Variants in ANKFN1 observed in about 807,000 individuals in gnomAD.
ANKFN1 encodes the protein ankyrin repeat and fibronectin type III domain containing 1.
ANKFN1 carries 74 observed loss-of-function variants against 108.7 expected under a neutral mutation model. That is an observed-to-expected ratio of 0.68 (90% CI 0.56 to 0.83). The LOEUF (loss-of-function observed/expected upper bound fraction) is 0.83, where lower values mean the gene tolerates loss of function less well. Ranked by LOEUF, ANKFN1 falls within the 40% of genes least tolerant of loss-of-function variation. The pLI is 0.00. For synonymous variants in ANKFN1, 547 were observed against 516.2 expected, an observed-to-expected ratio of 1.06 and a Z score of -0.81; for missense variants, 1,505 against 1,382.3, an observed-to-expected ratio of 1.09 and a Z score of -1.41.
intron 14 of ANKFN1, among the ~76,000 whole-genome samples, chr17:56,462,710 T>C (rs2049948008): frequency 6.6e-6 from 1 of 152,226 alleles, no homozygotes; most frequent in African/African-American, 2.4e-5. Context: ...TGCATCTCAT[T>C]TAACTCTCCT....
chr17:56,374,177 C>G (rs1415993588), intron 7 of ANKFN1, among the ~76,000 whole-genome samples: 2 of 152,126 alleles, frequency 1.3e-5, no homozygotes, highest in African/African-American at 4.8e-5. Flanking sequence ...TTCCTCATAC[C>G]AAAAGTGAGT....
At chr17:56,434,393 A>AG (rs550002460) in intron 8 of ANKFN1, among the ~76,000 whole-genome samples, 351 of 150,974 alleles carry the variant, frequency 2.3e-3, no homozygotes, top group African/African-American at 8.1e-3. Flanking sequence ...AAAAAAAAAA[A>AG]AAGAAGAAGA....
intron 8 of ANKFN1, among the ~76,000 whole-genome samples, chr17:56,432,006 A>T (rs958286959): frequency 6.6e-6 from 1 of 152,220 alleles, no homozygotes; most frequent in Non-Finnish European, 1.5e-5. Flanking sequence ...TCAGAATCCC[A>T]GGAAACATCT....
chr17:56,055,600 C>CACAT (rs1567778636), intron 4 of ANKFN1, among the ~76,000 whole-genome samples: 4 of 33,610 alleles, frequency 1.2e-4, no homozygotes, highest in African/African-American at 5.2e-4. Context: ...TATATATACA[C>CACAT]ATTTTTTTAT....
chr17:56,482,719 T>C, intron 18 of ANKFN1, 195 bp downstream of exon 18: 1 of 524,842 alleles, frequency 1.9e-6, no homozygotes, highest in South Asian at 7.6e-5. Context: ...GCAATAATTA[T>C]TGAAACCTAG....
intron 8 of ANKFN1, among the ~76,000 whole-genome samples, chr17:56,396,136 G>C (rs991374185): frequency 1.3e-5 from 2 of 152,170 alleles, no homozygotes; most frequent in African/African-American, 2.4e-5. Context: ...ACACCCTACT[G>C]TTTGAGAGCA....
intron 1 of ANKFN1, among the ~76,000 whole-genome samples, chr17:56,180,335 T>C (rs1316118147): frequency 6.6e-6 from 1 of 152,236 alleles, no homozygotes; most frequent in Non-Finnish European, 1.5e-5. Context: ...TCCTCATCCA[T>C]GTTTATGGCT....
At chr17:56,182,444 A>C (rs2143634896) in intron 1 of ANKFN1, among the ~76,000 whole-genome samples, 1 of 152,312 alleles carries the variant, frequency 6.6e-6, no homozygotes, top group South Asian at 2.1e-4. Context: ...TGGATAGAAA[A>C]TCAAACCAGA....
chr17:56,430,139 C>A (rs1399230107), intron 8 of ANKFN1, among the ~76,000 whole-genome samples: 1 of 152,092 alleles, frequency 6.6e-6, no homozygotes, highest in Non-Finnish European at 1.5e-5. Flanking sequence ...AAACCGTAAG[C>A]TCCTTGAGGT....
intron 6 of ANKFN1, among the ~76,000 whole-genome samples, chr17:56,357,901 CGTT>C (rs1295107932): frequency 1.3e-5 from 2 of 152,132 alleles, no homozygotes; most frequent in East Asian, 3.9e-4. Flanking sequence ...GTGAGGGAGA[CGTT>C]GTTTTCTTCA....
upstream of ANKFN1, among the ~76,000 whole-genome samples, chr17:56,152,503 A>G (rs1908720631): frequency 1.3e-5 from 2 of 152,008 alleles, no homozygotes; most frequent in African/African-American, 4.8e-5. Flanking sequence ...GACATTCATG[A>G]TCAAGGGTAA....
intron 2 of ANKFN1, among the ~76,000 whole-genome samples, chr17:56,227,550 C>T (rs1050787245): frequency 8.5e-5 from 13 of 152,082 alleles, no homozygotes; most frequent in Non-Finnish European, 1.8e-4. Context: ...TCAGTGTGAA[C>T]CAGAAGCAAG....
At chr17:56,241,017 T>A (rs1407674790) in intron 3 of ANKFN1, among the ~76,000 whole-genome samples, 1 of 152,182 alleles carries the variant, frequency 6.6e-6, no homozygotes. Context: ...ATTGACATTC[T>A]AACATAATCT....
At chr17:56,061,974 T>C (rs995132003) in intron 4 of ANKFN1, among the ~76,000 whole-genome samples, 2 of 152,220 alleles carry the variant, frequency 1.3e-5, no homozygotes, top group Non-Finnish European at 2.9e-5. Flanking sequence ...ATTTCTGCCT[T>C]CATTTCATTA....
intron 3 of ANKFN1, among the ~76,000 whole-genome samples, chr17:56,295,171 A>G (rs999139999): frequency 6.6e-6 from 1 of 152,120 alleles, no homozygotes; most frequent in East Asian, 1.9e-4. Context: ...CCTTGGGGAA[A>G]CCCCATGTCA....
intron 3 of ANKFN1, among the ~76,000 whole-genome samples, chr17:56,280,681 T>C (rs2044056612): frequency 6.6e-6 from 1 of 151,970 alleles, no homozygotes; most frequent in African/African-American, 2.4e-5. Flanking sequence ...TGGAGAACCC[T>C]GGCTAATACA....
intron 9 of ANKFN1, among the ~76,000 whole-genome samples, chr17:56,442,405 C>G (rs2049136017): frequency 6.6e-6 from 1 of 152,062 alleles, no homozygotes; most frequent in South Asian, 2.1e-4. Context: ...TATTCATTTT[C>G]TAAAGCAAGT....
intron 20 of ANKFN1, among the ~76,000 whole-genome samples, chr17:56,510,039 AC>A (rs1338368079): frequency 2.0e-5 from 3 of 152,174 alleles, no homozygotes; most frequent in Non-Finnish European, 4.4e-5. Context: ...TTCTTCGTTC[AC>A]CCTTTTAAAT....
intron 1 of ANKFN1, among the ~76,000 whole-genome samples, chr17:56,200,566 C>T (rs1913961910): frequency 6.6e-6 from 1 of 152,194 alleles, no homozygotes; most frequent in Admixed American, 6.5e-5. Context: ...GCAGCACGTC[C>T]AAGGTCCCCC....
Sources: allele counts gnomAD v4.1 joint callset (sites outside exome capture counted in the v4.1 genomes callset), GRCh38; gene constraint gnomAD v4.1.1; transcripts MANE v1.5; gene names NCBI Gene and HGNC (gene_info 2026-07-23, HGNC 2026-07-21).